Variants in ERBB3 observed in about 807,000 individuals in gnomAD.
The protein encoded by ERBB3 is receptor tyrosine-protein kinase erbB-3.
ERBB3 carries 96 observed loss-of-function variants against 156.7 expected under a neutral mutation model. That is an observed-to-expected ratio of 0.61 (90% CI 0.52 to 0.73). ERBB3 has a LOEUF of 0.73. ERBB3 is among the 30% of genes least tolerant of loss of function. The pLI is 0.00. For synonymous variants in ERBB3, 567 were observed against 632.0 expected (o/e 0.90, Z 1.54); for missense variants, 1,406 against 1,709.4 (o/e 0.82, Z 3.13).
Position 56,094,157 on chromosome 12 carries a change from C to G in ERBB3, c.1672C>G (p.Pro558Ala). Residue 558 changes from proline (P) to alanine (A), a missense_variant, in exon 14 of 28, where the codon CCC becomes GCC. By Grantham distance (27) the Pro-to-Ala change is conservative. Coordinates refer to ENST00000267101, the MANE Select transcript of ERBB3 (RefSeq NM_001982.4). The stretch of plus-strand genomic sequence containing the variant: ...CTTCTCCTGCCACCCGGAATGCCAA[C>G]CCATGGAGGGCACTGCCACATGCAA... ...ECFSCHPECQ[P>A]MEGTATCNGS... The G allele has an allele frequency of 6.2e-7, 1 of 1,614,108 alleles. No homozygotes were observed. Among genetic ancestry groups the G allele is most frequent in the Non-Finnish European group, 8.5e-7 (1 of 1,180,012 alleles).
At chr12:56,083,107 C>T (rs1868374583) in intron 1 of ERBB3, among the ~76,000 whole-genome samples, 1 of 152,146 alleles carries the variant, frequency 6.6e-6, no homozygotes, top group African/African-American at 2.4e-5. Flanking sequence ...GCTCCCCCCT[C>T]TACTGAGGTC....
rs758130617 is a variant in ERBB3 at position 56,088,858 on chromosome 12, G to A, written c.1099G>A (p.Gly367Ser). Residue 367 changes from glycine (G) to serine (S), a missense_variant, in exon 9 of 28, where the codon GGC becomes AGC. By Grantham distance (56) the Gly-to-Ser change is moderately conservative (BLOSUM62 0). Coordinates refer to ENST00000267101, the MANE Select transcript of ERBB3 (RefSeq NM_001982.4). ...GGGCAACCTGGACTTTCTGATCACC[G>A]GCCTCAATGGGTTAGAGATCCTGCC... Reference protein sequence around the residue: ...ILGNLDFLITGLNGDPWHKIP... With the variant: ...ILGNLDFLITSLNGDPWHKIP... The A allele has an allele frequency of 3.7e-6, 6 of 1,614,002 alleles. No individual in the cohort carries two copies. Among genetic ancestry groups the A allele is most frequent in the South Asian group, 1.1e-5 (1 of 91,060 alleles).
rs1202851148 is a variant in ERBB3, at chr12:56,083,836, T to C, written c.168T>C (p.Cys56=). ...CACTGTACAAGCTCTACGAGAGGTG[T>C]GAGGTGGTGATGGGGAACCTTGAGA... ...YQTLYKLYER[C]EVVMGNLEIV... The change falls in exon 2 of 28, where the codon TGT becomes TGC. Residue 56 remains cysteine (C), a synonymous_variant. Coordinates refer to ENST00000267101, the MANE Select transcript of ERBB3 (RefSeq NM_001982.4). 6.2e-7 allele frequency: 1 copy of C among 1,613,870 alleles called. No individual in the cohort carries two copies. Among genetic ancestry groups the C allele is most frequent in the African/African-American group, 1.3e-5 (1 of 74,862 alleles).
chr12:56,098,538 T>G lies in ERBB3; in HGVS notation c.2655T>G (p.Phe885Leu). The change falls in exon 22 of 28, where the codon TTT (phenylalanine) becomes TTG (leucine). Residue 885 changes from phenylalanine (F) to leucine (L), a missense_variant. By Grantham distance (22) the Phe-to-Leu change is conservative. Coordinates refer to ENST00000267101, the MANE Select transcript of ERBB3 (RefSeq NM_001982.4). The part of the protein sequence containing the change: ...IKWMALESIH[F>L]GKYTHQSDVW... ...GGATGGCCCTTGAGAGTATCCACTT[T>G]GGGAAATACACACACCAGAGTGATG... 1 of 1,614,024 alleles carries G rather than the reference T, an allele frequency of 6.2e-7. No individual in the cohort carries two copies. The highest frequency in any genetic ancestry group is 8.5e-7 in the Non-Finnish European group (1 of 1,179,832).
At chr12:56,095,417 A>G (rs977117929) in intron 16 of ERBB3, 107 bp downstream of exon 16, 2 of 1,006,184 alleles carry the variant, frequency 2.0e-6, no homozygotes, top group Non-Finnish European at 3.2e-6. Flanking sequence ...CCTTTTATGT[A>G]TGCAGTCCAC....
chr12:56,096,166 T>C lies in ERBB3; in HGVS notation c.2056-337T>C, dbSNP rs192151273. 120 of 509,034 alleles carry C rather than the reference T, an allele frequency of 2.4e-4. No individual in the cohort carries two copies. The Middle Eastern group carries it at 4.3e-3, about 18-fold the overall frequency. 31.5% of individuals were successfully genotyped at this position (509,034 alleles called of 1,614,324 possible). Reference sequence around the variant, plus strand: ...TGTAAGGGTAAAGGGGGATGATGTATGTGAAAGTGCTTTGGAAAGCACAGA... The same window carrying C: ...TGTAAGGGTAAAGGGGGATGATGTACGTGAAAGTGCTTTGGAAAGCACAGA... On this transcript the variant is annotated intron_variant, in intron 17 of 27. Coordinates refer to ENST00000267101, the MANE Select transcript of ERBB3 (RefSeq NM_001982.4).
At position 56,084,783 on chromosome 12, in the gene ERBB3, G is replaced by A. The variant is rs771775647; in HGVS notation, c.235-212G>A. Among the ~76,000 whole-genome samples, 7 of 152,222 alleles carry A rather than the reference G, an allele frequency of 4.6e-5. 1 individual carries two copies. The South Asian group carries it at 1.0e-3, about 23-fold the overall frequency. Reference sequence around the variant, plus strand: ...GAATTGCTTGAACCCGGGAGGTGGAGGTTGTGGTGAGCCAAGATCGCACTA... The same window carrying A: ...GAATTGCTTGAACCCGGGAGGTGGAAGTTGTGGTGAGCCAAGATCGCACTA... On this transcript the variant is annotated intron_variant, in intron 2 of 27. Transcript: ENST00000267101.
rs1868952838 is a variant in ERBB3 at position 56,098,158 on chromosome 12, A to C, written c.2616+218A>C. 5.1e-6 allele frequency: 3 copies of C among 584,456 alleles called. No homozygotes were observed. The South Asian group carries it at 6.1e-5, about 12-fold the overall frequency. 36.2% of individuals were successfully genotyped at this position (584,456 alleles called of 1,614,324 possible). On this transcript the variant is annotated intron_variant, in intron 21 of 27. Coordinates refer to ENST00000267101, the MANE Select transcript of ERBB3 (RefSeq NM_001982.4). ...GGTGGCTCACGCCTGTAATCCCAAC[A>C]CTTCGGGAGGCCAAGGCGGGTGGAT...
Position 56,103,180 on chromosome 12 carries a change from ACATCT to A in ERBB3, c.*1133_*1137del, listed in dbSNP as rs1869183743. 3.9e-5 allele frequency: 9 copies of A among 230,516 alleles called. No individual in the cohort carries two copies. The East Asian group carries it at 5.6e-4, about 14-fold the overall frequency. The allele number at this position is 230,516 out of a possible 1,614,324, so 14.3% of individuals were successfully genotyped here. On this transcript the variant is annotated 3_prime_UTR_variant, in exon 28 of 28. Coordinates refer to ENST00000267101, the MANE Select transcript of ERBB3 (RefSeq NM_001982.4). ...AACAGCCACATCCTCCTATACCTAG[ACATCT>A]CATCTCAGGAAGTGGTGGTGGGGGT... is the stretch of plus-strand genomic sequence containing the variant.
intron 9 of ERBB3, among the ~76,000 whole-genome samples, chr12:56,089,867 A>ATG (rs151196139): frequency 0.021 from 3,169 of 151,212 alleles, 119 homozygotes; most frequent in African/African-American, 0.073. Flanking sequence ...AGCATTTAAA[A>ATG]TGTGTGTGTG....
intron 23 of ERBB3, among the ~76,000 whole-genome samples, chr12:56,099,333 T>G (rs1371980321): frequency 6.6e-6 from 1 of 151,936 alleles, no homozygotes; most frequent in East Asian, 1.9e-4. Context: ...AGTCTCGCTC[T>G]GTTGCCCATA....
intron 27 of ERBB3, 26 bp from the exon 28 acceptor site, chr12:56,101,503 A>T (rs373727653): frequency 6.2e-7 from 1 of 1,611,970 alleles, no homozygotes; most frequent in African/African-American, 1.3e-5. Flanking sequence ...TTCTTCACAT[A>T]CCTAGCCTTT....
In ERBB3 at chr12:56,099,709, G is replaced by A. The variant is rs754129713; in HGVS notation, c.2901G>A (p.Arg967=). The change falls in exon 24 of 28, where the codon AGG becomes AGA. Residue 967 remains arginine (R), a synonymous_variant. Transcript: ENST00000267101. The part of the protein sequence containing the change: ...TFKELANEFT[R]MARDPPRYLV... Reference sequence around the variant, plus strand: ...AAGAACTAGCCAATGAGTTCACCAGGATGGCCCGAGACCCACCACGGTATC... The same window carrying A: ...AAGAACTAGCCAATGAGTTCACCAGAATGGCCCGAGACCCACCACGGTATC... 3.9e-5 allele frequency: 63 copies of A among 1,614,050 alleles called. No individual in the cohort carries two copies. Among genetic ancestry groups the A allele is most frequent in the Non-Finnish European group, 5.3e-5 (62 of 1,180,034 alleles).
In ERBB3 at chr12:56,099,647, G is replaced by A; in HGVS notation, c.2840-1G>A. ...CTCTACCTCCTACATCTTATCTCCA[G>A]GTTGGATGATTGATGAGAACATTCG... On this transcript the variant is annotated splice_acceptor_variant, in intron 23 of 27. Transcript: ENST00000267101. LOFTEE classifies it high-confidence loss of function. The A allele has an allele frequency of 6.2e-7, 1 of 1,613,382 alleles. No homozygotes were observed.
rs1468427103 is a variant in ERBB3, at chr12:56,093,815, G to A, written c.1532G>A (p.Gly511Asp). ...DPLCSSGGCWGPGPGQCLSCR... is the reference protein window; with the variant it reads ...DPLCSSGGCWDPGPGQCLSCR... ...CTGTGCTCCTCTGGGGGATGCTGGGGCCCAGGCCCTGGTCAGTGCTTGTCC... is the reference window on the plus strand; with the variant it reads ...CTGTGCTCCTCTGGGGGATGCTGGGACCCAGGCCCTGGTCAGTGCTTGTCC... The change falls in exon 13 of 28, where the codon GGC becomes GAC. Residue 511 changes from glycine to aspartate, a missense_variant. Gly to Asp is a moderately conservative substitution (Grantham distance 94). Transcript: ENST00000267101. 1.2e-6 allele frequency: 2 copies of A among 1,613,994 alleles called. No individual in the cohort carries two copies. Among genetic ancestry groups the A allele is most frequent in the Non-Finnish European group, 1.7e-6 (2 of 1,179,992 alleles).
At chr12:56,097,721 A>T (rs1868935263) in intron 20 of ERBB3, 64 bp from the exon 21 acceptor site, 9 of 1,532,212 alleles carry the variant, frequency 5.9e-6, no homozygotes, top group Non-Finnish European at 7.2e-6. Flanking sequence ...GATTTGGGGG[A>T]ATTCCAGATC....
intron 20 of ERBB3, 134 bp downstream of exon 20, chr12:56,097,364 C>A: frequency 3.7e-6 from 3 of 810,252 alleles, no homozygotes; most frequent in Non-Finnish European, 2.1e-6. Context: ...AGTCCATGGC[C>A]TGTTAGGAAC....
Position 56,093,529 on chromosome 12 carries a change from A to G in ERBB3, c.1459A>G (p.Asn487Asp), listed in dbSNP as rs2136810147. Residue 487 changes from asparagine (N) to aspartate (D), a missense_variant, in exon 12 of 28, where the codon AAT (asparagine) becomes GAT (aspartate). Around this residue, in one of 3 missense-constraint regions of ERBB3, gnomAD observed 979 missense variants for 1,219.6 expected, o/e 0.80. Transcript: ENST00000267101. ...GGAAGAGCGACTAGACATCAAGCAT[A>G]ATCGGCCGCGCAGAGACTGCGGTGA... ...PTEERLDIKH[N>D]RPRRDCVAEG... The G allele has an allele frequency of 6.2e-7, 1 of 1,612,600 alleles. No individual in the cohort carries two copies. Among genetic ancestry groups the G allele is most frequent in the East Asian group, 2.2e-5 (1 of 44,850 alleles).
In ERBB3 at chr12:56,102,059, C is replaced by A; in HGVS notation, c.*4C>A. On this transcript the variant is annotated 3_prime_UTR_variant, in exon 28 of 28. Coordinates refer to ENST00000267101, the MANE Select transcript of ERBB3 (RefSeq NM_001982.4). ...GGCTAATGCCCAGAGAACGTAACTC[C>A]TGCTCCCTGTGGCACTCAGGGAGCA... 1 of 1,606,030 alleles carries A rather than the reference C, an allele frequency of 6.2e-7. No homozygotes were observed. The highest frequency in any genetic ancestry group is 1.1e-5 in the South Asian group (1 of 91,060).
Sources: gnomAD v4.1 joint callset for allele counts (sites outside exome capture counted in the v4.1 genomes callset) on GRCh38, gnomAD v4.1.1 for gene constraint, gnomAD v4.1.1 regional missense constraint, MANE v1.5 for transcripts, NCBI Gene and HGNC (gene_info 2026-07-23, HGNC 2026-07-21) for gene names.